Variants in PID1 observed in about 807,000 individuals in gnomAD.
The protein encoded by PID1 is phosphotyrosine interaction domain containing 1.
Under a neutral mutation model 19.1 loss-of-function variants are expected in PID1, and 10 were observed. The observed-to-expected ratio is 0.52, with a 90% CI of 0.32 to 0.89. PID1 has a LOEUF of 0.89. Ranked by LOEUF, PID1 falls within the 40% of genes least tolerant of loss-of-function variation. PID1 has a pLI of 0.03. For missense variants in PID1, 248 were observed against 285.3 expected, an observed-to-expected ratio of 0.87 and a Z score of 0.94; for synonymous variants, 130 against 116.0, an observed-to-expected ratio of 1.12 and a Z score of -0.78.
intron 1 of PID1, among the ~76,000 whole-genome samples, chr2:229,195,108 A>G (rs967021566): frequency 6.6e-6 from 1 of 151,898 alleles, no homozygotes; most frequent in Non-Finnish European, 1.5e-5. Context: ...TGCATCGTTT[A>G]AATCTTGATT....
chr2:229,173,995 G>C (rs1690762370), intron 1 of PID1, among the ~76,000 whole-genome samples: 1 of 152,188 alleles, frequency 6.6e-6, no homozygotes, highest in Non-Finnish European at 1.5e-5. Context: ...AACTAGGAGA[G>C]AGCACCTTCA....
At chr2:229,086,910 T>TACACACAC (rs3083831) in intron 2 of PID1, among the ~76,000 whole-genome samples, 28,268 of 149,976 alleles carry the variant, frequency 0.19, 3,026 homozygotes, top group Non-Finnish European at 0.24. Flanking sequence ...CACACGTGTG[T>TACACACAC]ACACACACAC....
chr2:229,269,065 T>C (rs1319494067), intron 1 of PID1, among the ~76,000 whole-genome samples: 1 of 152,170 alleles, frequency 6.6e-6, no homozygotes. Context: ...ATCTCAAGGC[T>C]TGAGATGTAT....
intron 2 of PID1, among the ~76,000 whole-genome samples, chr2:229,063,264 T>A (rs1416955912): frequency 1.3e-5 from 2 of 152,202 alleles, no homozygotes; most frequent in Non-Finnish European, 2.9e-5. Flanking sequence ...TTTATTTCTA[T>A]AAAACTTCCC....
At chr2:229,158,707 C>G (rs1039745306) in intron 1 of PID1, among the ~76,000 whole-genome samples, 1 of 152,064 alleles carries the variant, frequency 6.6e-6, no homozygotes, top group Admixed American at 6.6e-5. Context: ...GAAACAAACA[C>G]AAGACTGAAA....
intron 1 of PID1, among the ~76,000 whole-genome samples, chr2:229,188,977 T>C (rs933311479): frequency 6.6e-6 from 1 of 152,176 alleles, no homozygotes; most frequent in Non-Finnish European, 1.5e-5. Flanking sequence ...GCTCCTTAAG[T>C]GCTCCTCAGA....
At chr2:229,082,573 GA>G (rs1228387790) in intron 2 of PID1, among the ~76,000 whole-genome samples, 1 of 152,202 alleles carries the variant, frequency 6.6e-6, no homozygotes, top group Non-Finnish European at 1.5e-5. Context: ...CTGGAAGTGT[GA>G]AAAGGACTCC....
chr2:229,217,723 T>C (rs1691879225), intron 1 of PID1, among the ~76,000 whole-genome samples: 1 of 152,218 alleles, frequency 6.6e-6, no homozygotes, highest in African/African-American at 2.4e-5. Context: ...TTCCTCATGG[T>C]AAAAAGTCAC....
chr2:229,034,708 C>T (rs1240987765), intron 2 of PID1, among the ~76,000 whole-genome samples: 1 of 151,958 alleles, frequency 6.6e-6, no homozygotes, highest in Non-Finnish European at 1.5e-5. Context: ...TTCAATACTT[C>T]AAAAGGGCCA....
intron 1 of PID1, among the ~76,000 whole-genome samples, chr2:229,182,068 T>C (rs189230883): frequency 2.6e-4 from 40 of 152,180 alleles, no homozygotes; most frequent in African/African-American, 9.6e-4. Flanking sequence ...GAGGAATGAA[T>C]AGGAAGAACA....
intron 2 of PID1, among the ~76,000 whole-genome samples, chr2:229,147,470 G>A (rs895362576): frequency 5.9e-5 from 9 of 151,878 alleles, no homozygotes; most frequent in Non-Finnish European, 1.2e-4. Flanking sequence ...TCATATTTTA[G>A]TATATCTGTC....
At chr2:229,195,646 A>T (rs973215283) in intron 1 of PID1, among the ~76,000 whole-genome samples, 4 of 151,914 alleles carry the variant, frequency 2.6e-5, no homozygotes, top group Admixed American at 6.6e-5. Flanking sequence ...TCATAACTGC[A>T]CAATACCTAG....
rs542339826 is a variant in PID1, at chr2:229,029,629, C to T, written c.178-3521G>A. Among the ~76,000 whole-genome samples the T allele has an allele frequency of 1.8e-3, 280 of 152,030 alleles. 2 individuals carry two copies. The highest frequency in any genetic ancestry group is 5.9e-3 in the African/African-American group (245 of 41,472). On this transcript the variant is annotated intron_variant, in intron 2 of 2. Coordinates refer to ENST00000392055, the MANE Select transcript of PID1 (RefSeq NM_001100818.2). Reference sequence around the variant, plus strand: ...AGGAGAGGCGGGCGGAACACGAGGTCAGGAGTTCGAGACCAGCCTGATTAA... The same window carrying T: ...AGGAGAGGCGGGCGGAACACGAGGTTAGGAGTTCGAGACCAGCCTGATTAA...
intron 1 of PID1, among the ~76,000 whole-genome samples, chr2:229,229,528 C>A (rs1692158155): frequency 6.6e-6 from 1 of 152,060 alleles, no homozygotes. Flanking sequence ...TTCCAGCTAC[C>A]TGGAATGCTG....
At chr2:229,234,169 C>G (rs571176582) in intron 1 of PID1, among the ~76,000 whole-genome samples, 1 of 152,192 alleles carries the variant, frequency 6.6e-6, no homozygotes, top group Non-Finnish European at 1.5e-5. Context: ...TGAGCCAAAA[C>G]AGAGAAGACA....
chr2:229,154,158 C>CT (rs1381923752), intron 2 of PID1, among the ~76,000 whole-genome samples: 6 of 152,278 alleles, frequency 3.9e-5, no homozygotes, highest in African/African-American at 1.4e-4. Flanking sequence ...TTTAAAATCA[C>CT]TTTAAAATGA....
intron 2 of PID1, among the ~76,000 whole-genome samples, chr2:229,057,026 G>C (rs910021865): frequency 8.0e-5 from 3 of 37,728 alleles, no homozygotes; most frequent in Non-Finnish European, 1.9e-4. Flanking sequence ...TATCATAAGA[G>C]AAAGAAATTT....
intron 2 of PID1, among the ~76,000 whole-genome samples, chr2:229,047,749 T>A (rs7573259): frequency 0.52 from 79,424 of 151,968 alleles, 21,518 homozygotes; most frequent in East Asian, 0.67. Flanking sequence ...GTCCGGTGAT[T>A]CACAGGCAGT....
chr2:229,048,687 C>A (rs1693932258), intron 2 of PID1, among the ~76,000 whole-genome samples: 1 of 152,140 alleles, frequency 6.6e-6, no homozygotes, highest in African/African-American at 2.4e-5. Context: ...ATGTATGTTA[C>A]AATGATAATA....
Sources: gnomAD v4.1 joint callset for allele counts (sites outside exome capture counted in the v4.1 genomes callset) on GRCh38, gnomAD v4.1.1 for gene constraint, MANE v1.5 for transcripts, NCBI Gene and HGNC (gene_info 2026-07-23, HGNC 2026-07-21) for gene names.